ERAP1: variants seen among roughly 807,000 people sequenced by gnomAD.
ERAP1 encodes endoplasmic reticulum aminopeptidase 1, also known as adipocyte-derived leucine aminopeptidase.
ERAP1 carries 86 observed loss-of-function variants against 103.7 expected under a neutral mutation model. The ratio of observed to expected loss-of-function variants is 0.83; its 90% CI spans 0.70 to 0.99. The LOEUF is 0.99. ERAP1 is among the 50% of genes least tolerant of loss of function. The pLI is 0.00. For synonymous variants in ERAP1, 398 were observed against 402.4 expected (o/e 0.99, Z 0.13); for missense variants, 1,009 against 1,128.4 (o/e 0.89, Z 1.52).
At chr5:96,876,970 G>T in the ERAP1 span, among the ~76,000 whole-genome samples, 5 of 151,960 alleles carry the variant, frequency 3.3e-5, no homozygotes, top group South Asian at 8.3e-4. Context: ...TTTAATTTAT[G>T]TATTTATTTA....
the ERAP1 span, chr5:96,823,046 A>T: frequency 7.2e-5 from 33 of 456,138 alleles, no homozygotes; most frequent in African/African-American, 4.8e-4. Context: ...CTGGCTGTTG[A>T]CTGGAGGCCG....
At chr5:96,886,538 T>A in the ERAP1 span, 1 of 764,470 alleles carries the variant, frequency 1.3e-6, no homozygotes, top group East Asian at 3.1e-5. Context: ...CCCTAGGAGG[T>A]CATCGATTGT....
the ERAP1 span, chr5:96,883,921 C>T: frequency 1.2e-6 from 2 of 1,605,164 alleles, no homozygotes; most frequent in Non-Finnish European, 1.7e-6. Context: ...CACTATCCAA[C>T]ATGCCAAAGG....
chr5:96,916,519 T>G, the ERAP1 span, among the ~76,000 whole-genome samples: 3 of 146,958 alleles, frequency 2.0e-5, no homozygotes. Flanking sequence ...TGGAGTGCAG[T>G]GGCTTGCGAT....
chr5:96,786,129 T>C, intron 12 of ERAP1, 158 bp from the exon 13 acceptor site: 2 of 704,068 alleles, frequency 2.8e-6, no homozygotes, highest in South Asian at 1.7e-5. Flanking sequence ...AGCAACTCAA[T>C]AGACAAAAGC....
the ERAP1 span, among the ~76,000 whole-genome samples, chr5:96,869,963 CT>C: frequency 6.6e-6 from 1 of 152,140 alleles, no homozygotes; most frequent in Non-Finnish European, 1.5e-5. Context: ...AGAAAAAGAT[CT>C]TTAAAGCATA....
the ERAP1 span, among the ~76,000 whole-genome samples, chr5:96,921,171 A>G: frequency 3.2e-4 from 48 of 152,268 alleles, no homozygotes; most frequent in Non-Finnish European, 5.9e-4. Context: ...GCATAAAAAC[A>G]GAAGCTTCAG....
At chr5:96,884,709 C>T in the ERAP1 span, among the ~76,000 whole-genome samples, 1 of 151,546 alleles carries the variant, frequency 6.6e-6, no homozygotes, top group Non-Finnish European at 1.5e-5. Flanking sequence ...AGGCTCCCAC[C>T]ACTACACCTG....
the ERAP1 span, chr5:96,919,774 G>A: frequency 6.6e-6 from 1 of 152,318 alleles, no homozygotes; most frequent in Non-Finnish European, 1.5e-5. Context: ...ACCAACTTCA[G>A]ACTTGGTTGT....
chr5:96,893,288 C>A, the ERAP1 span, among the ~76,000 whole-genome samples: 6 of 152,120 alleles, frequency 3.9e-5, no homozygotes, highest in Non-Finnish European at 7.4e-5. Flanking sequence ...ACCAAGTGGG[C>A]AAATATCATT....
rs1773908860 is a variant in ERAP1 at position 96,775,064 on chromosome 5, A to G, written c.*1332T>C. The G allele has an allele frequency of 1.0e-6, 1 of 985,604 alleles. No individual in the cohort carries two copies. Among genetic ancestry groups the G allele is most frequent in the Non-Finnish European group, 1.2e-6 (1 of 829,938 alleles). The allele number at this position is 985,604 out of a possible 1,614,324, so 61.1% of individuals were successfully genotyped here. A position where few individuals can be genotyped will look rare whatever the true frequency, so the allele number is the denominator to read the frequency against. On this transcript the variant is annotated 3_prime_UTR_variant, in exon 19 of 19. Transcript: ENST00000443439. Reference sequence around the variant, plus strand: ...GCAACTTGAATCAAGTCAGCAACAGAGCACACTATGGGTTAGATAAGTCCC... The same window carrying G: ...GCAACTTGAATCAAGTCAGCAACAGGGCACACTATGGGTTAGATAAGTCCC...
At chr5:96,767,222 C>T (rs26611) in intron 19 of ERAP1, among the ~76,000 whole-genome samples, 1,855 of 151,822 alleles carry the variant, frequency 0.012, 42 homozygotes, top group African/African-American at 0.043. Context: ...CAGACCCTTT[C>T]ATATGTTTCC....
chr5:96,926,625 A>G, the ERAP1 span, among the ~76,000 whole-genome samples: 2 of 152,228 alleles, frequency 1.3e-5, no homozygotes, highest in African/African-American at 2.4e-5. Context: ...TTCACCTAAC[A>G]TAATTTTTAA....
chr5:96,761,983 TAAATGTAC>T (rs1332914988), exon 20 of ERAP1: 34 of 223,434 alleles, frequency 1.5e-4, no homozygotes, highest in African/African-American at 7.7e-4. Context: ...TTGAATAACC[TAAATGTAC>T]AACAGGAAAT....
At chr5:96,902,862 T>C in the ERAP1 span, 1 of 155,518 alleles carries the variant, frequency 6.4e-6, no homozygotes, top group South Asian at 2.0e-4. Flanking sequence ...CCCTCTAGTA[T>C]AATATATGCC....
chr5:96,768,064 G>C (rs559318007), intron 19 of ERAP1: 309 of 1,028,148 alleles, frequency 3.0e-4, no homozygotes, highest in Non-Finnish European at 4.5e-4. Context: ...ATACATATAA[G>C]TTTTATTTAT....
At chr5:96,845,505 A>G in the ERAP1 span, among the ~76,000 whole-genome samples, 105,493 of 152,018 alleles carry the variant, frequency 0.69, 38,162 homozygotes, top group Non-Finnish European at 0.8. Flanking sequence ...AAAGTGCTGG[A>G]ATTATAGGTG....
chr5:96,922,984 TTTTG>T, the ERAP1 span, among the ~76,000 whole-genome samples: 1 of 151,782 alleles, frequency 6.6e-6, no homozygotes, highest in Non-Finnish European at 1.5e-5. Flanking sequence ...GTTTTTTGTT[TTTTG>T]TTTTTTTTGA....
chr5:96,895,348 G>A, the ERAP1 span: 2 of 1,606,696 alleles, frequency 1.2e-6, no homozygotes, highest in Non-Finnish European at 1.7e-6. Context: ...TACATATCCA[G>A]AGCTGCAATT....
Sources: gnomAD v4.1 joint callset for allele counts (sites outside exome capture counted in the v4.1 genomes callset) on GRCh38, gnomAD v4.1.1 for gene constraint, MANE v1.5 for transcripts, NCBI Gene and HGNC (gene_info 2026-07-23, HGNC 2026-07-21) for gene names.